The following MMD variants were observed in gnomAD, a reference collection of about 807,000 sequenced individuals.
MMD encodes monocyte to macrophage differentiation factor.
MMD carries 22 observed loss-of-function variants against 33.6 expected under a neutral mutation model. The observed-to-expected ratio is 0.66, with a 90% CI of 0.47 to 0.94. The LOEUF is 0.94. MMD is among the 40% of genes least tolerant of loss of function. The pLI, the probability that MMD is intolerant of heterozygous loss-of-function variation, is 0.00. For synonymous variants in MMD, 97 were observed against 103.2 expected (o/e 0.94, Z 0.36); for missense variants, 242 against 309.8 (o/e 0.78, Z 1.64).
rs1567851499 is a variant in MMD at position 55,414,555 on chromosome 17, T to TACACAC, written c.27-324_27-323insGTGTGT. 4.8e-3 allele frequency among the ~76,000 whole-genome samples: 282 copies of TACACAC among 58,536 alleles called. 2 individuals are homozygous for TACACAC. Among genetic ancestry groups the TACACAC allele is most frequent in the African/African-American group, 0.02 (266 of 12,994 alleles). 38.4% of individuals were successfully genotyped at this position (58,536 alleles called of 152,430 possible). A position where few individuals can be genotyped will look rare whatever the true frequency, so the allele number is the denominator to read the frequency against. The stretch of plus-strand genomic sequence containing the variant: ...CTTCAACTGGAACCCTCCTCCTCCA[T>TACACAC]TCACACACACACACACACACACACA... On this transcript the variant is annotated intron_variant, in intron 1 of 6. Coordinates refer to ENST00000262065, the MANE Select transcript of MMD (RefSeq NM_012329.3).
intron 1 of MMD, among the ~76,000 whole-genome samples, 175 bp downstream of exon 1, chr17:55,421,495 G>A (rs1328592347): frequency 6.6e-6 from 1 of 152,230 alleles, no homozygotes; most frequent in African/African-American, 2.4e-5. Context: ...CTTGGAGGAA[G>A]GGGATCGCCC....
At chr17:55,402,568 T>G (rs1173256924) in intron 5 of MMD, among the ~76,000 whole-genome samples, 2 of 152,206 alleles carry the variant, frequency 1.3e-5, no homozygotes, top group Non-Finnish European at 2.9e-5. Flanking sequence ...CCAAACTGAA[T>G]GGCCAAGGGT....
intron 1 of MMD, among the ~76,000 whole-genome samples, chr17:55,415,168 C>T (rs1907919501): frequency 6.6e-6 from 1 of 151,886 alleles, no homozygotes; most frequent in African/African-American, 2.4e-5. Context: ...CAACAGGTTT[C>T]ATGAGGGACT....
chr17:55,394,370 A>C lies in MMD; in HGVS notation c.681T>G (p.Leu227=). Residue 227 remains leucine (L), a synonymous_variant, in exon 7 of 7, where the codon CTT becomes CTG. Transcript: ENST00000262065. ...GCATAAAGTCCGTAGGACTTCGGTA[A>C]AGGTATTTCCAAATGGCGTAGTAAT... ...AVHYYAIWKY[L]YRSPTDFMRH... The C allele has an allele frequency of 1.4e-6, 2 of 1,419,292 alleles. No individual in the cohort carries two copies. Among genetic ancestry groups the C allele is most frequent in the Non-Finnish European group, 1.8e-6 (2 of 1,083,176 alleles). 87.9% of individuals were successfully genotyped at this position (1,419,292 alleles called of 1,614,324 possible).
chr17:55,399,401 A>G (rs961162369), intron 6 of MMD, among the ~76,000 whole-genome samples: 4 of 151,782 alleles, frequency 2.6e-5, no homozygotes, highest in Non-Finnish European at 5.9e-5. Context: ...TGTGATCTGG[A>G]CTCTTGTCTA....
rs199612409 is a variant in MMD at position 55,411,208 on chromosome 17, G to A, written c.269+49C>T. ...GCCAGCTTGGAAGGGTACCAAACAC[G>A]TTGAGTCAACTATTTGGATCTGTTG... On this transcript the variant is annotated intron_variant, in intron 3 of 6. Transcript: ENST00000262065. The A allele has an allele frequency of 7.3e-5, 115 of 1,569,334 alleles. No individual in the cohort carries two copies. In the Middle Eastern group the frequency reaches 1.0e-3, roughly 14 times the overall value.
chr17:55,406,677 C>T (rs1235238237), intron 4 of MMD, among the ~76,000 whole-genome samples: 7 of 151,726 alleles, frequency 4.6e-5, no homozygotes, highest in South Asian at 2.1e-4. Flanking sequence ...GGTCGGAGTT[C>T]GATACCAACC....
intron 4 of MMD, chr17:55,404,796 T>C (rs1907478888): frequency 2.0e-6 from 2 of 981,582 alleles, no homozygotes; most frequent in Non-Finnish European, 2.4e-6. Context: ...GAACAGTGGC[T>C]CACACCTGTA....
rs1906973881 is a variant in MMD, at chr17:55,393,012, T to C, written c.*1322A>G. ...ACTGATCATTTGATCAGCCCATTAC[T>C]AGGAAACAGGCAATATCAGCACCCG... is the stretch of plus-strand genomic sequence containing the variant. On this transcript the variant is annotated 3_prime_UTR_variant, in exon 7 of 7. Transcript: ENST00000262065. 1 of 152,196 alleles carries C rather than the reference T, an allele frequency of 6.6e-6. No individual in the cohort carries two copies. Among genetic ancestry groups the C allele is most frequent in the Non-Finnish European group, 1.5e-5 (1 of 68,032 alleles). The allele number at this position is 152,196 out of a possible 1,614,324, so 9.4% of individuals were successfully genotyped here. A position where few individuals can be genotyped will look rare whatever the true frequency, so the allele number is the denominator to read the frequency against.
At chr17:55,420,881 C>T (rs1342676401) in intron 1 of MMD, among the ~76,000 whole-genome samples, 4 of 152,076 alleles carry the variant, frequency 2.6e-5, no homozygotes, top group Non-Finnish European at 5.9e-5. Context: ...GGAGTAAGGC[C>T]ACGGCGCCCC....
At chr17:55,406,516 C>A (rs780124795) in intron 4 of MMD, among the ~76,000 whole-genome samples, 2 of 151,954 alleles carry the variant, frequency 1.3e-5, no homozygotes, top group East Asian at 3.9e-4. Flanking sequence ...GCTGAGACCA[C>A]GGGCCACTGC....
At chr17:55,419,947 G>C (rs1442869096) in intron 1 of MMD, 1 of 152,164 alleles carries the variant, frequency 6.6e-6, no homozygotes, top group African/African-American at 2.4e-5. Context: ...GTGCTAATAA[G>C]GAATGGAGAG....
At chr17:55,415,715 GAATTT>G (rs778845452) in intron 1 of MMD, among the ~76,000 whole-genome samples, 24 of 152,186 alleles carry the variant, frequency 1.6e-4, no homozygotes, top group Non-Finnish European at 3.4e-4. Flanking sequence ...ACTGGGGAAT[GAATTT>G]GGGACAGTGA....
At chr17:55,421,637 C>G (rs368073061) in intron 1 of MMD, 33 bp downstream of exon 1, 10 of 1,598,656 alleles carry the variant, frequency 6.3e-6, no homozygotes, top group Admixed American at 1.7e-5. Context: ...GCTTCTGACA[C>G]GGGCAGCGGG....
chr17:55,395,478 TGTGCCCC>T (rs1907064991), intron 6 of MMD, among the ~76,000 whole-genome samples: 1 of 152,210 alleles, frequency 6.6e-6, no homozygotes, highest in Admixed American at 6.5e-5. Flanking sequence ...AGCAGCCTTG[TGTGCCCC>T]GCAAGAGTAA....
At chr17:55,409,593 T>G (rs1385836157) in intron 3 of MMD, among the ~76,000 whole-genome samples, 1 of 152,206 alleles carries the variant, frequency 6.6e-6, no homozygotes, top group Non-Finnish European at 1.5e-5. Flanking sequence ...TACCACATAA[T>G]AAATGCAAAT....
chr17:55,400,556 G>GA (rs11371752), intron 6 of MMD, among the ~76,000 whole-genome samples: 122,833 of 144,656 alleles, frequency 0.85, 52,208 homozygotes, highest in African/African-American at 0.89. Flanking sequence ...TCAAAAAAAA[G>GA]AAAAAAAAAA....
intron 2 of MMD, 107 bp from the exon 3 acceptor site, chr17:55,411,524 C>T: frequency 1.6e-6 from 2 of 1,281,662 alleles, no homozygotes; most frequent in Non-Finnish European, 2.1e-6. Context: ...GTAAAATAAT[C>T]TTAGAGCAAG....
In MMD at chr17:55,421,822, G is replaced by A. The variant is rs1185412917; in HGVS notation, c.-127C>T. On this transcript the variant is annotated 5_prime_UTR_variant, in exon 1 of 7. Transcript: ENST00000262065. ...CGTGTCCAGCGGAACCCTTCGGCCG[G>A]GTAGGGTCGGAGTGGGCCAGGCCGG... 3 of 1,166,356 alleles carry A rather than the reference G, an allele frequency of 2.6e-6. No homozygotes were observed. Among genetic ancestry groups the A allele is most frequent in the Non-Finnish European group, 3.5e-6 (3 of 861,004 alleles). The allele number at this position is 1,166,356 out of a possible 1,614,324, so 72.3% of individuals were successfully genotyped here. A position where few individuals can be genotyped will look rare whatever the true frequency, so the allele number is the denominator to read the frequency against.
Sources: gnomAD v4.1 joint callset for allele counts (sites outside exome capture counted in the v4.1 genomes callset) on GRCh38, gnomAD v4.1.1 for gene constraint, MANE v1.5 for transcripts, NCBI Gene and HGNC (gene_info 2026-07-23, HGNC 2026-07-21) for gene names.